ZNF521: variants seen among roughly 807,000 people sequenced by gnomAD.
ZNF521 encodes the protein zinc finger protein 521.
ZNF521 carries 14 observed loss-of-function variants against 105.5 expected under a neutral mutation model. The observed-to-expected ratio is 0.13, with a 90% CI of 0.09 to 0.21. ZNF521 has a LOEUF of 0.21. Ranked by LOEUF, ZNF521 falls within the 10% of genes least tolerant of loss-of-function variation. ZNF521 has a pLI of 1.00. For missense variants in ZNF521, 1,233 were observed against 1,629.7 expected (o/e 0.76, Z 4.19); for synonymous variants, 635 against 606.0 (o/e 1.05, Z -0.70).
In ZNF521 at chr18:25,337,598, A is replaced by G. The variant is rs75607175; in HGVS notation, c.40+13309T>C. On this transcript the variant is annotated intron_variant, in intron 2 of 7. Transcript: ENST00000361524. The stretch of plus-strand genomic sequence containing the variant: ...CAATTAAATACCAGTTTGTTTTTTC[A>G]CAAGTCGCATTAGTAAGGATGAAGT... Among the ~76,000 whole-genome samples the G allele has an allele frequency of 8.7e-3, 1,320 of 152,286 alleles. 15 individuals are homozygous for G. Among genetic ancestry groups the G allele is most frequent in the African/African-American group, 0.03 (1,267 of 41,566 alleles).
chr18:25,273,651 AG>A (rs1393964946), intron 3 of ZNF521: 3 of 152,244 alleles, frequency 2.0e-5, no homozygotes, highest in African/African-American at 7.2e-5. Context: ...GGGTATGTAT[AG>A]TACTTAGAGT....
chr18:25,235,893 A>T (rs1906857882), intron 3 of ZNF521, among the ~76,000 whole-genome samples: 1 of 152,000 alleles, frequency 6.6e-6, no homozygotes, highest in East Asian at 1.9e-4. Context: ...TTGCTAATGT[A>T]GAAAAAGCTG....
chr18:25,309,662 T>C (rs1326081322), intron 3 of ZNF521, among the ~76,000 whole-genome samples: 1 of 152,058 alleles, frequency 6.6e-6, no homozygotes, highest in Non-Finnish European at 1.5e-5. Context: ...AAAATAAAAT[T>C]AGGTATAAGA....
At chr18:25,132,715 G>A (rs1464402602) in intron 5 of ZNF521, among the ~76,000 whole-genome samples, 2 of 152,128 alleles carry the variant, frequency 1.3e-5, no homozygotes, top group African/African-American at 4.8e-5. Flanking sequence ...GGAGCTATTT[G>A]ATTTTGACAA....
At chr18:25,175,812 T>C (rs561483184) in intron 5 of ZNF521, among the ~76,000 whole-genome samples, 2 of 152,358 alleles carry the variant, frequency 1.3e-5, no homozygotes, top group East Asian at 1.9e-4. Context: ...TTATGGTCAA[T>C]TCAGACATGC....
chr18:25,077,001 T>C (rs2033377470), intron 7 of ZNF521, among the ~76,000 whole-genome samples: 1 of 152,244 alleles, frequency 6.6e-6, no homozygotes, highest in African/African-American at 2.4e-5. Flanking sequence ...CCAAATGTAC[T>C]GCCTAGGCAG....
chr18:25,192,408 G>A (rs2035833619), intron 5 of ZNF521, among the ~76,000 whole-genome samples: 1 of 152,070 alleles, frequency 6.6e-6, no homozygotes, highest in Non-Finnish European at 1.5e-5. Context: ...AAGATGTGTG[G>A]CGGTTGCTTG....
chr18:25,090,430 GTTC>G (rs1386308901), intron 6 of ZNF521, among the ~76,000 whole-genome samples: 3 of 152,120 alleles, frequency 2.0e-5, no homozygotes, highest in Admixed American at 1.3e-4. Context: ...TTAGAATATT[GTTC>G]TTGTGAGTCA....
At chr18:25,090,463 T>G (rs971279323) in intron 6 of ZNF521, among the ~76,000 whole-genome samples, 2 of 152,232 alleles carry the variant, frequency 1.3e-5, no homozygotes, top group Non-Finnish European at 2.9e-5. Flanking sequence ...ATCACATTTC[T>G]CATTACCTTA....
chr18:25,196,516 T>G (rs2035904110), intron 4 of ZNF521, among the ~76,000 whole-genome samples: 1 of 151,016 alleles, frequency 6.6e-6, no homozygotes, highest in South Asian at 2.1e-4. Flanking sequence ...ACATAATATT[T>G]TCTTCTGCAA....
intron 5 of ZNF521, among the ~76,000 whole-genome samples, chr18:25,193,422 T>C (rs930263784): frequency 4.6e-5 from 7 of 152,060 alleles, no homozygotes; most frequent in Non-Finnish European, 1.0e-4. Flanking sequence ...ATGAGAAGCA[T>C]GACCACAAAA....
At chr18:25,211,653 G>T (rs147785112) in intron 4 of ZNF521, among the ~76,000 whole-genome samples, 1 of 151,956 alleles carries the variant, frequency 6.6e-6, no homozygotes, top group African/African-American at 2.4e-5. Context: ...CTAGTTATGT[G>T]TTATAAATTT....
chr18:25,310,682 A>G (rs1912255763), intron 3 of ZNF521, among the ~76,000 whole-genome samples: 1 of 151,908 alleles, frequency 6.6e-6, no homozygotes, highest in Non-Finnish European at 1.5e-5. Flanking sequence ...TTGGGTTCTT[A>G]CTCACCCTTC....
intron 5 of ZNF521, among the ~76,000 whole-genome samples, chr18:25,119,180 G>C (rs1880374419): frequency 6.6e-6 from 1 of 152,068 alleles, no homozygotes. Context: ...ACGTCTCTTA[G>C]CAATTAAAAA....
At chr18:25,065,036 CTT>C (rs1314311019) in intron 7 of ZNF521, among the ~76,000 whole-genome samples, 1 of 152,098 alleles carries the variant, frequency 6.6e-6, no homozygotes, top group African/African-American at 2.4e-5. Flanking sequence ...GACCGAAAAA[CTT>C]TGCTATTTTC....
intron 3 of ZNF521, among the ~76,000 whole-genome samples, chr18:25,317,976 G>A (rs898768467): frequency 6.6e-6 from 1 of 151,986 alleles, no homozygotes; most frequent in Admixed American, 6.6e-5. Context: ...TATTCCTAAC[G>A]AGAGAAATAA....
Position 25,186,915 on chromosome 18 carries a change from A to T in ZNF521, c.3658+8245T>A, listed in dbSNP as rs1229921923. The stretch of plus-strand genomic sequence containing the variant: ...AAATAAAGTAATGCTAAAAAAAAAA[A>T]AAAAAAGAAAAAGAAAGAAAAAGAA... On this transcript the variant is annotated intron_variant, in intron 5 of 7. Transcript: ENST00000361524. Among the ~76,000 whole-genome samples the T allele has an allele frequency of 2.0e-5, 3 of 148,678 alleles. No individual in the cohort carries two copies. The Admixed American group carries it at 2.0e-4, about 10-fold the overall frequency.
chr18:25,265,138 A>G (rs79853170), intron 3 of ZNF521, among the ~76,000 whole-genome samples: 8,167 of 152,274 alleles, frequency 0.054, 307 homozygotes, highest in Non-Finnish European at 0.082. Flanking sequence ...TTAAACAAAA[A>G]TCTAAATTTC....
chr18:25,096,411 A>AAT (rs2033852671), intron 5 of ZNF521, among the ~76,000 whole-genome samples: 1 of 152,178 alleles, frequency 6.6e-6, no homozygotes, highest in South Asian at 2.1e-4. Flanking sequence ...TAACAGGAGA[A>AAT]ATATTAGTTA....
Sources: allele counts gnomAD v4.1 joint callset (sites outside exome capture counted in the v4.1 genomes callset), GRCh38; gene constraint gnomAD v4.1.1; transcripts MANE v1.5; gene names NCBI Gene and HGNC (gene_info 2026-07-23, HGNC 2026-07-21).